CDH8: variants seen among roughly 807,000 people sequenced by gnomAD.
CDH8 encodes the protein cadherin 8.
CDH8 carries 17 observed loss-of-function variants against 68.1 expected under a neutral mutation model. That is an observed-to-expected ratio of 0.25 (90% CI 0.17 to 0.37). The LOEUF (loss-of-function observed/expected upper bound fraction) is 0.37, where lower values mean the gene tolerates loss of function less well. CDH8 is among the 10% of genes least tolerant of loss of function. CDH8 has a pLI of 1.00. For missense variants in CDH8, 763 were observed against 999.3 expected (o/e 0.76, Z 3.19); for synonymous variants, 372 against 365.1 (o/e 1.02, Z -0.21).
intron 5 of CDH8, among the ~76,000 whole-genome samples, chr16:61,823,929 T>G (rs1194560418): frequency 6.6e-6 from 1 of 151,936 alleles, no homozygotes; most frequent in African/African-American, 2.4e-5. Context: ...TACACTGTGA[T>G]GTTTTGATAA....
chr16:61,687,885 A>G (rs752465425), intron 10 of CDH8, among the ~76,000 whole-genome samples: 22 of 152,022 alleles, frequency 1.4e-4, no homozygotes, highest in Admixed American at 7.9e-4. Flanking sequence ...TATCTCATTT[A>G]TATATTATTG....
chr16:61,936,972 A>G (rs999006751), intron 2 of CDH8, among the ~76,000 whole-genome samples: 7 of 152,288 alleles, frequency 4.6e-5, no homozygotes, highest in African/African-American at 1.7e-4. Context: ...TAAAATAGCA[A>G]TGGCTAGGCA....
chr16:61,765,522 TG>T (rs1170268361), intron 8 of CDH8, among the ~76,000 whole-genome samples: 1 of 152,076 alleles, frequency 6.6e-6, no homozygotes, highest in Non-Finnish European at 1.5e-5. Flanking sequence ...TTATCATTTT[TG>T]TTCCAGATGT....
At chr16:61,917,617 C>T (rs1964264980) in intron 2 of CDH8, among the ~76,000 whole-genome samples, 1 of 152,162 alleles carries the variant, frequency 6.6e-6, no homozygotes, top group South Asian at 2.1e-4. Context: ...TGCTGCCTAT[C>T]TGTAAGTAAC....
At chr16:61,773,183 C>A (rs1166928870) in intron 8 of CDH8, among the ~76,000 whole-genome samples, 3 of 152,018 alleles carry the variant, frequency 2.0e-5, no homozygotes, top group Non-Finnish European at 4.4e-5. Context: ...TTAAATGCAT[C>A]TCTTACTGCT....
At chr16:61,819,196 A>C (rs1024851002) in intron 6 of CDH8, among the ~76,000 whole-genome samples, 1 of 152,008 alleles carries the variant, frequency 6.6e-6, no homozygotes, top group Non-Finnish European at 1.5e-5. Flanking sequence ...TGTCCCAAGA[A>C]TTTTATTGGA....
chr16:61,921,890 G>C (rs1964374755), intron 2 of CDH8, among the ~76,000 whole-genome samples: 1 of 152,152 alleles, frequency 6.6e-6, no homozygotes, highest in African/African-American at 2.4e-5. Flanking sequence ...ACTTAGTCGG[G>C]CACGGTGGCA....
chr16:61,825,599 G>T (rs2143001775), intron 4 of CDH8, among the ~76,000 whole-genome samples: 1 of 151,840 alleles, frequency 6.6e-6, no homozygotes, highest in South Asian at 2.1e-4. Context: ...AGGCTCTGAG[G>T]TCAAAGATAA....
intron 2 of CDH8, among the ~76,000 whole-genome samples, chr16:61,925,945 G>A (rs1242978069): frequency 2.6e-5 from 4 of 152,024 alleles, no homozygotes; most frequent in African/African-American, 7.2e-5. Context: ...AGCAATAAAC[G>A]TATATTGAGA....
In CDH8 at chr16:61,779,464, T is replaced by TGTGTGC. The variant is rs796315669; in HGVS notation, c.1414+9881_1414+9882insGCACAC. 9.5e-3 allele frequency among the ~76,000 whole-genome samples: 1,340 copies of TGTGTGC among 141,454 alleles called. 16 individuals carry two copies. Among genetic ancestry groups the TGTGTGC allele is most frequent in the South Asian group, 0.037 (160 of 4,296 alleles). The allele number at this position is 141,454 out of a possible 152,430, so 92.8% of individuals were successfully genotyped here. ...GTGTGTGTGTGTGTGTGTGTGTGTG[T>TGTGTGC]GCGCGCATGGTGAGGGAAACAAGGA... On this transcript the variant is annotated intron_variant, in intron 8 of 11. Coordinates refer to ENST00000577390, the MANE Select transcript of CDH8 (RefSeq NM_001796.5).
rs1344682849 is a variant in CDH8 at position 61,739,899 on chromosome 16, A to G, written c.1415-12684T>C. ...CAACATATTCCATATATATATATAT[A>G]TATATATATATATGTATTTTTTTTT... is the stretch of plus-strand genomic sequence containing the variant. On this transcript the variant is annotated intron_variant, in intron 8 of 11. Coordinates refer to ENST00000577390, the MANE Select transcript of CDH8 (RefSeq NM_001796.5). Among the ~76,000 whole-genome samples the G allele has an allele frequency of 3.5e-3, 326 of 91,924 alleles. 7 individuals are homozygous for G. The highest frequency in any genetic ancestry group is 5.4e-3 in the Non-Finnish European group (266 of 49,702). 60.3% of individuals were successfully genotyped at this position (91,924 alleles called of 152,430 possible). A position where few individuals can be genotyped will look rare whatever the true frequency, so the allele number is the denominator to read the frequency against.
At chr16:61,803,473 C>A (rs1306252116) in intron 7 of CDH8, among the ~76,000 whole-genome samples, 2 of 149,544 alleles carry the variant, frequency 1.3e-5, no homozygotes, top group African/African-American at 2.5e-5. Context: ...ACAATATTAA[C>A]TTTAAATGTA....
chr16:61,759,587 G>T (rs981712219), intron 8 of CDH8, among the ~76,000 whole-genome samples: 1 of 152,018 alleles, frequency 6.6e-6, no homozygotes, highest in Non-Finnish European at 1.5e-5. Flanking sequence ...ATGATTCCAA[G>T]AATCACTATT....
intron 2 of CDH8, among the ~76,000 whole-genome samples, chr16:61,908,020 G>A (rs577189863): frequency 1.5e-4 from 22 of 143,882 alleles, no homozygotes; most frequent in Middle Eastern, 7.5e-3. Context: ...TCCAGCCTGC[G>A]CGACAGAGTG....
chr16:62,015,612 C>T (rs1901920332), intron 2 of CDH8, among the ~76,000 whole-genome samples: 1 of 152,134 alleles, frequency 6.6e-6, no homozygotes, highest in African/African-American at 2.4e-5. Flanking sequence ...AGACTTTAAG[C>T]CTAGTTCTCT....
chr16:61,897,016 G>A (rs1963878912), intron 3 of CDH8, among the ~76,000 whole-genome samples: 1 of 150,386 alleles, frequency 6.6e-6, no homozygotes, highest in South Asian at 2.1e-4. Context: ...ATCCTCTGTG[G>A]TTTTTGGAAG....
intron 8 of CDH8, among the ~76,000 whole-genome samples, chr16:61,749,182 G>T (rs939598494): frequency 5.3e-5 from 8 of 151,926 alleles, no homozygotes; most frequent in Non-Finnish European, 1.0e-4. Context: ...AATAGTTCTA[G>T]TTTGGAACCC....
chr16:61,985,633 C>A (rs1965612130), intron 2 of CDH8, among the ~76,000 whole-genome samples: 1 of 152,118 alleles, frequency 6.6e-6, no homozygotes, highest in Non-Finnish European at 1.5e-5. Context: ...GCTGGGATTA[C>A]AGGCACCTGC....
chr16:61,658,660 T>C (rs901822056), intron 10 of CDH8, among the ~76,000 whole-genome samples: 1 of 152,090 alleles, frequency 6.6e-6, no homozygotes. Context: ...AATCTTGGTG[T>C]TGGTTACAGC....
Sources: allele counts gnomAD v4.1 joint callset (sites outside exome capture counted in the v4.1 genomes callset), GRCh38; gene constraint gnomAD v4.1.1; transcripts MANE v1.5; gene names NCBI Gene and HGNC (gene_info 2026-07-23, HGNC 2026-07-21).